The following BMPR1B variants were observed in gnomAD, a reference collection of about 807,000 sequenced individuals.
The protein encoded by BMPR1B is bone morphogenetic protein receptor type-1B.
A neutral mutation model predicts 59.1 loss-of-function variants in BMPR1B; 12 were observed. The ratio of observed to expected loss-of-function variants is 0.20; its 90% confidence interval spans 0.13 to 0.33. The LOEUF (loss-of-function observed/expected upper bound fraction) is 0.33, where lower values mean the gene tolerates loss of function less well. Ranked by LOEUF, BMPR1B falls within the 10% of genes least tolerant of loss-of-function variation. The probability of loss-of-function intolerance (pLI) is 1.00; values close to 1 mark genes in which losing one functional copy is unlikely to be tolerated. For synonymous variants in BMPR1B, 237 were observed against 207.3 expected, an observed-to-expected ratio of 1.14 and a Z score of -1.23; for missense variants, 550 against 610.9, an observed-to-expected ratio of 0.90 and a Z score of 1.05.
intron 2 of BMPR1B, among the ~76,000 whole-genome samples, chr4:94,924,610 C>T (rs547432880): frequency 6.6e-6 from 1 of 152,268 alleles, no homozygotes; most frequent in Non-Finnish European, 1.5e-5. Context: ...TGCCACTTCT[C>T]TCCAACAAGA....
chr4:95,071,114 C>A (rs1728247484), intron 3 of BMPR1B, among the ~76,000 whole-genome samples: 1 of 152,072 alleles, frequency 6.6e-6, no homozygotes, highest in East Asian at 1.9e-4. Context: ...TTGTTGTATT[C>A]TTCACCAACA....
rs374243992 is a variant in BMPR1B at position 94,764,888 on chromosome 4, A to G, written c.-183+6820A>G. Reference sequence around the variant, plus strand: ...TACAAAAAGGTGGATGTTTGCCACTATTTGGGAGGACTGGGAAGGGGGCAG... The same window carrying G: ...TACAAAAAGGTGGATGTTTGCCACTGTTTGGGAGGACTGGGAAGGGGGCAG... On this transcript the variant is annotated intron_variant, in intron 1 of 12. Transcript: ENST00000515059. 2.6e-5 allele frequency among the ~76,000 whole-genome samples: 4 copies of G among 152,128 alleles called. No individual in the cohort carries two copies. In the South Asian group the frequency reaches 6.2e-4, roughly 24 times the overall value.
chr4:95,009,356 C>T (rs1333857885), intron 3 of BMPR1B, among the ~76,000 whole-genome samples: 1 of 151,980 alleles, frequency 6.6e-6, no homozygotes, highest in Non-Finnish European at 1.5e-5. Flanking sequence ...GGGAAACAAA[C>T]AAATGAAAGA....
At chr4:95,093,807 C>A (rs1413872935) in intron 3 of BMPR1B, among the ~76,000 whole-genome samples, 1 of 151,900 alleles carries the variant, frequency 6.6e-6, no homozygotes, top group Non-Finnish European at 1.5e-5. Flanking sequence ...TTTTATGAAG[C>A]CCTGGTTTCT....
At chr4:94,963,534 G>T (rs951836748) in intron 2 of BMPR1B, among the ~76,000 whole-genome samples, 3 of 152,028 alleles carry the variant, frequency 2.0e-5, no homozygotes, top group Admixed American at 6.6e-5. Context: ...GCACAAGATG[G>T]GATCTTGTTT....
chr4:94,810,210 A>G (rs1251022360), intron 1 of BMPR1B, among the ~76,000 whole-genome samples: 1 of 152,176 alleles, frequency 6.6e-6, no homozygotes, highest in Non-Finnish European at 1.5e-5. Flanking sequence ...AGCCCATCGA[A>G]GTATTTTTAC....
At position 95,129,972 on chromosome 4, in the gene BMPR1B, G is replaced by A; in HGVS notation, c.696G>A (p.Val232=). Reference sequence around the variant, plus strand: ...GTGGCGAAAAGGTAGCTGTGAAAGTGTTCTTCACCACAGAGGAAGCCAGCT... The same window carrying A: ...GTGGCGAAAAGGTAGCTGTGAAAGTATTCTTCACCACAGAGGAAGCCAGCT... ...KWRGEKVAVK[V]FFTTEEASWF... Residue 232 remains valine (V), a synonymous_variant, in exon 9 of 13, where the codon GTG becomes GTA. Coordinates refer to ENST00000515059, the MANE Select transcript of BMPR1B (RefSeq NM_001203.3). 8 of 1,613,954 alleles carry A rather than the reference G, an allele frequency of 5.0e-6. No homozygotes were observed. The highest frequency in any genetic ancestry group is 6.8e-6 in the Non-Finnish European group (8 of 1,179,908).
intron 3 of BMPR1B, among the ~76,000 whole-genome samples, chr4:95,032,082 C>T (rs1394391879): frequency 6.6e-6 from 1 of 152,102 alleles, no homozygotes; most frequent in Non-Finnish European, 1.5e-5. Context: ...GTTGCTATCA[C>T]AAGATACCAC....
intron 2 of BMPR1B, among the ~76,000 whole-genome samples, chr4:94,913,399 A>G (rs1305799764): frequency 6.6e-6 from 1 of 152,206 alleles, no homozygotes; most frequent in Admixed American, 6.5e-5. Flanking sequence ...TGAAAAAGTC[A>G]CTTCCTTTTG....
chr4:94,770,186 G>GTTTTT (rs56902521), intron 1 of BMPR1B, among the ~76,000 whole-genome samples: 2 of 54,138 alleles, frequency 3.7e-5, no homozygotes, highest in Non-Finnish European at 7.3e-5. Context: ...TTCTGTGTTT[G>GTTTTT]TTTTTTTTTT....
chr4:95,062,064 C>T (rs962970808), intron 3 of BMPR1B, among the ~76,000 whole-genome samples: 18 of 152,146 alleles, frequency 1.2e-4, no homozygotes, highest in Non-Finnish European at 2.1e-4. Flanking sequence ...TGAGGCCTCA[C>T]CAGCCATGCC....
At chr4:94,770,622 C>G (rs1722150062) in intron 1 of BMPR1B, among the ~76,000 whole-genome samples, 1 of 151,978 alleles carries the variant, frequency 6.6e-6, no homozygotes, top group Non-Finnish European at 1.5e-5. Context: ...TCTATATTTC[C>G]TCTTTTACAT....
chr4:94,792,130 C>T (rs577900842), intron 1 of BMPR1B, among the ~76,000 whole-genome samples: 12 of 152,068 alleles, frequency 7.9e-5, no homozygotes, highest in Non-Finnish European at 1.0e-4. Context: ...ACCTTTCTGA[C>T]GATGAAAACA....
In BMPR1B at chr4:94,837,703, A is replaced by G. The variant is rs539225068; in HGVS notation, c.-182-38128A>G. 7.2e-3 allele frequency among the ~76,000 whole-genome samples: 987 copies of G among 136,270 alleles called. 61 individuals are homozygous for G. The highest frequency in any genetic ancestry group is 0.026 in the African/African-American group (918 of 35,418). The allele number at this position is 136,270 out of a possible 152,430, so 89.4% of individuals were successfully genotyped here. A position where few individuals can be genotyped will look rare whatever the true frequency, so the allele number is the denominator to read the frequency against. On this transcript the variant is annotated intron_variant, in intron 1 of 12. Transcript: ENST00000515059. ...TAGATATACAATCATGTCATCTGCA[A>G]AGAGGGACAATTTGACTTCCTCTTT...
intron 3 of BMPR1B, among the ~76,000 whole-genome samples, chr4:95,045,707 A>G (rs922263606): frequency 6.6e-6 from 1 of 152,110 alleles, no homozygotes; most frequent in Middle Eastern, 3.2e-3. Flanking sequence ...ATGTTTCCTC[A>G]GCATAGCAGG....
chr4:95,026,122 C>CTTTCTTTCTTTCTTTCTTTCTTTCTT (rs1724374473), intron 3 of BMPR1B, among the ~76,000 whole-genome samples: 8 of 144,342 alleles, frequency 5.5e-5, no homozygotes, highest in African/African-American at 1.9e-4. Context: ...TTCTTTCTTT[C>CTTTCTTTCTTTCTTTCTTTCTTTCTT]TTTCTTTCTT....
chr4:94,898,957 C>G (rs1052028831), intron 2 of BMPR1B, among the ~76,000 whole-genome samples: 1 of 152,012 alleles, frequency 6.6e-6, no homozygotes, highest in African/African-American at 2.4e-5. Flanking sequence ...AATGTATTCT[C>G]TCATAGTTCT....
In BMPR1B at chr4:95,154,665, A is replaced by G. The variant is rs1229797838; in HGVS notation, c.1501A>G (p.Lys501Glu). Reference sequence around the variant, plus strand: ...CAAAATGTCAGAGTCCCAGGACATTAAACTCTGATAGGAGAGGAAAAGTAA... The same window carrying G: ...CAAAATGTCAGAGTCCCAGGACATTGAACTCTGATAGGAGAGGAAAAGTAA... ...LAKMSESQDIKL is the reference protein window; with the variant it reads ...LAKMSESQDIEL The change falls in exon 13 of 13, where the codon AAA becomes GAA. Residue 501 changes from lysine (K) to glutamate (E), a missense_variant. Physicochemically the swap from Lys to Glu is moderately conservative, Grantham distance 56. Transcript: ENST00000515059. The G allele has an allele frequency of 8.1e-6, 13 of 1,613,956 alleles. No homozygotes were observed. Among genetic ancestry groups the G allele is most frequent in the South Asian group, 2.2e-5 (2 of 91,086 alleles).
At chr4:95,061,260 A>G (rs1307404355) in intron 3 of BMPR1B, among the ~76,000 whole-genome samples, 1 of 151,808 alleles carries the variant, frequency 6.6e-6, no homozygotes, top group African/African-American at 2.4e-5. Flanking sequence ...GAATATATAA[A>G]ATTAAAAGAG....
Sources: allele counts gnomAD v4.1 joint callset (sites outside exome capture counted in the v4.1 genomes callset), GRCh38; gene constraint gnomAD v4.1.1; transcripts MANE v1.5; gene names NCBI Gene and HGNC (gene_info 2026-07-23, HGNC 2026-07-21).